Variants in SNUPN observed in about 807,000 individuals in gnomAD.
SNUPN encodes snurportin-1.
A neutral mutation model predicts 39.2 loss-of-function variants in SNUPN; 31 were observed. That is an observed-to-expected ratio of 0.79 (90% CI 0.59 to 1.07). The LOEUF (loss-of-function observed/expected upper bound fraction) is 1.07, where lower values mean the gene tolerates loss of function less well. Ranked by LOEUF, SNUPN falls within the 50% of genes least tolerant of loss-of-function variation. SNUPN has a pLI of 0.00. For missense variants in SNUPN, 382 were observed against 434.2 expected, an observed-to-expected ratio of 0.88 and a Z score of 1.07; for synonymous variants, 132 against 159.0, an observed-to-expected ratio of 0.83 and a Z score of 1.28.
intron 1 of SNUPN, 33 bp from the exon 2 acceptor site, chr15:75,621,089 C>A: frequency 6.2e-7 from 1 of 1,606,112 alleles, no homozygotes; most frequent in South Asian, 1.1e-5. Flanking sequence ...ATGGTTCATT[C>A]ATTTCATATC....
At chr15:75,604,753 A>G (rs2075318348) in intron 7 of SNUPN, among the ~76,000 whole-genome samples, 1 of 152,110 alleles carries the variant, frequency 6.6e-6, no homozygotes. Flanking sequence ...TATTACTTCA[A>G]TAGGTTTTTG....
In SNUPN at chr15:75,609,905, A is replaced by G; in HGVS notation, c.393T>C (p.Leu131=). 6.2e-7 allele frequency: 1 copy of G among 1,613,888 alleles called. No homozygotes were observed. Among genetic ancestry groups the G allele is most frequent in the South Asian group, 1.1e-5 (1 of 91,074 alleles). ...VVVCPVGKRA[L]IVASRGSTSA... is the part of the protein sequence containing the mutation. The stretch of plus-strand genomic sequence containing the variant: ...AGCTACTCACCCTGGAGGCCACGAT[A>G]AGGGCTCTTTTTCCAACAGGGCACA... The change falls in exon 4 of 9, where the codon CTT becomes CTC. Residue 131 remains leucine (L), a synonymous_variant. Transcript: ENST00000308588.
Position 75,598,103 on chromosome 15 carries a change from A to G in SNUPN, c.*255T>C, listed in dbSNP as rs1277509285. On this transcript the variant is annotated 3_prime_UTR_variant, in exon 9 of 9. Transcript: ENST00000308588. ...ACCAGTTCTTTCTTACAAATCACAT[A>G]TATTTACATTGTGGATCTGGGATAC... is the stretch of plus-strand genomic sequence containing the variant. The G allele has an allele frequency of 5.0e-6, 2 of 400,866 alleles. No individual in the cohort carries two copies. The highest frequency in any genetic ancestry group is 4.0e-5 in the East Asian group (1 of 25,124). The allele number at this position is 400,866 out of a possible 1,614,324, so 24.8% of individuals were successfully genotyped here. A position where few individuals can be genotyped will look rare whatever the true frequency, so the allele number is the denominator to read the frequency against.
Position 75,605,243 on chromosome 15 carries a change from G to A in SNUPN, c.601-16C>T. 1 of 1,557,756 alleles carries A rather than the reference G, an allele frequency of 6.4e-7. No individual in the cohort carries two copies. The highest frequency in any genetic ancestry group is 8.8e-7 in the Non-Finnish European group (1 of 1,132,866). ...GGAAATCAGTCTGCCACAGAGAAGG[G>A]AAACAGAAAGATGAAATACTTTCCA... is the stretch of plus-strand genomic sequence containing the variant. On this transcript the variant is annotated splice_polypyrimidine_tract_variant and intron_variant, in intron 6 of 8. Coordinates refer to ENST00000308588, the MANE Select transcript of SNUPN (RefSeq NM_005701.4).
intron 1 of SNUPN, among the ~76,000 whole-genome samples, chr15:75,623,807 C>T (rs1307840694): frequency 6.6e-6 from 1 of 151,868 alleles, no homozygotes; most frequent in Non-Finnish European, 1.5e-5. Context: ...TGACTGAGGC[C>T]TCATGATGAG....
At chr15:75,619,744 A>T (rs914320933) in intron 2 of SNUPN, among the ~76,000 whole-genome samples, 29 of 151,882 alleles carry the variant, frequency 1.9e-4, no homozygotes, top group African/African-American at 4.1e-4. Context: ...TCTTCTATTT[A>T]TTTTATTTAT....
At chr15:75,598,828 C>T (rs1046304157) in intron 8 of SNUPN, 147 bp from the exon 9 acceptor site, 1 of 564,416 alleles carries the variant, frequency 1.8e-6, no homozygotes. Context: ...CTCACACATG[C>T]CGTTTCTCTA....
At chr15:75,600,431 C>T (rs1049029112) in intron 8 of SNUPN, among the ~76,000 whole-genome samples, 2 of 152,016 alleles carry the variant, frequency 1.3e-5, no homozygotes, top group South Asian at 2.1e-4. Context: ...TCTGCCAATA[C>T]GCCCAGCTAA....
intron 3 of SNUPN, among the ~76,000 whole-genome samples, chr15:75,610,949 C>T (rs1447779027): frequency 6.6e-6 from 1 of 152,058 alleles, no homozygotes; most frequent in Non-Finnish European, 1.5e-5. Flanking sequence ...GCGGGCGGAT[C>T]ACGAGGTCAA....
intron 1 of SNUPN, chr15:75,622,637 A>AG (rs1442835106): frequency 1.1e-5 from 3 of 281,034 alleles, no homozygotes; most frequent in African/African-American, 6.8e-5. Context: ...TGTAAACCAG[A>AG]GGGCACCTCC....
chr15:75,605,082 A>C, intron 7 of SNUPN, 68 bp downstream of exon 7: 1 of 928,952 alleles, frequency 1.1e-6, no homozygotes, highest in Non-Finnish European at 1.7e-6. Flanking sequence ...TAATGATTAT[A>C]TTTAGATAAC....
chr15:75,600,635 A>C (rs2075278371), intron 8 of SNUPN: 1 of 161,932 alleles, frequency 6.2e-6, no homozygotes, highest in African/African-American at 2.4e-5. Flanking sequence ...TGAGGTGGTC[A>C]CCTGACTCAT....
chr15:75,610,997 G>A (rs977015212), intron 3 of SNUPN, among the ~76,000 whole-genome samples: 20 of 151,672 alleles, frequency 1.3e-4, no homozygotes, highest in African/African-American at 4.1e-4. Context: ...GTGAAACCCC[G>A]TCTCTACCAA....
Position 75,609,618 on chromosome 15 carries a change from A to G in SNUPN, c.442T>C (p.Cys148Arg), listed in dbSNP as rs761258273. ...AGAAGTGAAGAAAACCTGTTGACAC[A>G]GTAGCCACTCTTGGTGTAGGCACTG... ...STSAYTKSGY[C>R]VNRFSSLLPG... The change falls in exon 5 of 9, where the codon TGT (cysteine) becomes CGT (arginine). Residue 148 changes from cysteine (C) to arginine (R), a missense_variant. Cys to Arg is a radical substitution (Grantham distance 180). Transcript: ENST00000308588. 1.2e-6 allele frequency: 2 copies of G among 1,613,546 alleles called. No homozygotes were observed. Among genetic ancestry groups the G allele is most frequent in the Non-Finnish European group, 1.7e-6 (2 of 1,179,750 alleles).
chr15:75,624,257 T>C (rs750637979), intron 1 of SNUPN, among the ~76,000 whole-genome samples: 110 of 151,862 alleles, frequency 7.2e-4, no homozygotes, highest in Non-Finnish European at 1.2e-3. Context: ...CATTATGTTT[T>C]CAGTTCATCA....
At chr15:75,609,852 A>T (rs1207515583) in intron 4 of SNUPN, 38 bp downstream of exon 4, 4 of 1,492,096 alleles carry the variant, frequency 2.7e-6, no homozygotes, top group Non-Finnish European at 3.7e-6. Flanking sequence ...CCCACTACAG[A>T]CCAGGCCTAC....
Position 75,621,326 on chromosome 15 carries a change from T to A in SNUPN, c.-5-270A>T, listed in dbSNP as rs1343170137. ...CCCAGGTCGGAGTGTAGTGGTGCAA[T>A]CACAGCTCACTGTTGCCTCAATCTA... On this transcript the variant is annotated intron_variant, in intron 1 of 8. Transcript: ENST00000308588. Among the ~76,000 whole-genome samples the A allele has an allele frequency of 2.0e-5, 3 of 147,694 alleles. No homozygotes were observed. The South Asian group carries it at 6.5e-4, about 32-fold the overall frequency.
At chr15:75,621,196 C>A (rs1295261961) in intron 1 of SNUPN, 140 bp from the exon 2 acceptor site, 38 of 690,566 alleles carry the variant, frequency 5.5e-5, no homozygotes, top group South Asian at 2.2e-4. Context: ...TTCCATGAGA[C>A]AAAAGGAAGT....
chr15:75,620,090 C>CTA (rs1288302005), intron 2 of SNUPN, among the ~76,000 whole-genome samples: 1 of 152,058 alleles, frequency 6.6e-6, no homozygotes, highest in Non-Finnish European at 1.5e-5. Flanking sequence ...AAATGTATTA[C>CTA]CTATTCAAAG....
Sources: allele counts gnomAD v4.1 joint callset (sites outside exome capture counted in the v4.1 genomes callset), GRCh38; gene constraint gnomAD v4.1.1; transcripts MANE v1.5; gene names NCBI Gene and HGNC (gene_info 2026-07-23, HGNC 2026-07-21).